SAP130: variants seen among roughly 807,000 people sequenced by gnomAD.
SAP130 encodes the protein histone deacetylase complex subunit SAP130.
A neutral mutation model predicts 103.2 loss-of-function variants in SAP130; 16 were observed. That is an observed-to-expected ratio of 0.16 (90% CI 0.10 to 0.24). The LOEUF (loss-of-function observed/expected upper bound fraction) is 0.24. SAP130 is among the 10% of genes least tolerant of loss of function. The pLI is 1.00. For synonymous variants in SAP130, 477 were observed against 497.0 expected, an observed-to-expected ratio of 0.96 and a Z score of 0.53; for missense variants, 990 against 1,359.7, an observed-to-expected ratio of 0.73 and a Z score of 4.28.
Position 127,986,928 on chromosome 2 carries a change from G to A in SAP130, c.1815C>T (p.Ala605=). ...VVLADGATIV[A]NPISNPFSAA... ...CACTGAATGGATTGCTAATAGGGTT[G>A]GCCACAATTGTGGCTCCATCTGCCA... Residue 605 remains alanine, a synonymous_variant, in exon 14 of 21, where the codon GCC becomes GCT. Transcript: ENST00000643581. The surrounding 1 kb of genome is among the most constrained non-coding windows in gnomAD (Gnocchi z 4.7). The A allele has an allele frequency of 1.2e-6, 2 of 1,613,836 alleles. No individual in the cohort carries two copies. The highest frequency in any genetic ancestry group is 1.7e-6 in the Non-Finnish European group (2 of 1,179,746).
intron 15 of SAP130, among the ~76,000 whole-genome samples, chr2:127,968,979 A>C (rs762936325): frequency 5.9e-5 from 9 of 152,238 alleles, no homozygotes; most frequent in Non-Finnish European, 1.3e-4. Context: ...TACGCGACTC[A>C]CAAAACCTAA....
chr2:127,976,138 G>T (rs370397048), intron 15 of SAP130, among the ~76,000 whole-genome samples: 1 of 152,138 alleles, frequency 6.6e-6, no homozygotes, highest in African/African-American at 2.4e-5. Context: ...GAGCCACTGC[G>T]CCCGGCTGGT....
At chr2:127,976,936 A>G (rs1195746951) in intron 15 of SAP130, among the ~76,000 whole-genome samples, 2 of 152,100 alleles carry the variant, frequency 1.3e-5, no homozygotes, top group African/African-American at 4.8e-5. Context: ...CTATCAATCT[A>G]TCTACATGTG....
intron 3 of SAP130, among the ~76,000 whole-genome samples, chr2:128,017,141 G>C (rs942501115): frequency 6.6e-6 from 1 of 152,200 alleles, no homozygotes; most frequent in African/African-American, 2.4e-5. Context: ...GGCCGACATG[G>C]TGAAACGCCA....
Position 127,996,537 on chromosome 2 carries a change from T to C in SAP130, c.1214-46A>G, listed in dbSNP as rs140626518. The C allele has an allele frequency of 9.2e-6, 13 of 1,407,324 alleles. No homozygotes were observed. In the East Asian group the frequency reaches 3.3e-4, roughly 35 times the overall value. 87.2% of individuals were successfully genotyped at this position (1,407,324 alleles called of 1,614,324 possible). A position where few individuals can be genotyped will look rare whatever the true frequency, so the allele number is the denominator to read the frequency against. ...TTCCATGACCATTCTACACTTTTTT[T>C]TGGCATGCCAAAACATTCTTGGCTA... On this transcript the variant is annotated intron_variant, in intron 10 of 20. Transcript: ENST00000643581. The surrounding 1 kb of genome is among the most constrained non-coding windows in gnomAD (Gnocchi z 4.3).
chr2:127,956,171 C>T (rs1213239338), intron 15 of SAP130, among the ~76,000 whole-genome samples: 1 of 152,138 alleles, frequency 6.6e-6, no homozygotes, highest in African/African-American at 2.4e-5. Context: ...AGACTGGGTT[C>T]AGGAGCTTCT....
chr2:127,977,400 C>T (rs999526176), intron 15 of SAP130, among the ~76,000 whole-genome samples: 1 of 150,738 alleles, frequency 6.6e-6, no homozygotes. Flanking sequence ...CTCCGGTGGC[C>T]GAGGCAGGAG....
intron 2 of SAP130, among the ~76,000 whole-genome samples, chr2:128,025,583 A>T (rs1049833984): frequency 6.6e-6 from 1 of 152,230 alleles, no homozygotes; most frequent in Non-Finnish European, 1.5e-5. Context: ...TCTTGTCATT[A>T]TTCCCTTAGC....
At chr2:127,961,992 C>A (rs1166795405) in intron 15 of SAP130, among the ~76,000 whole-genome samples, 1 of 152,122 alleles carries the variant, frequency 6.6e-6, no homozygotes, top group Non-Finnish European at 1.5e-5. Context: ...GCTCTCAGCA[C>A]GTTGACACCT....
chr2:128,002,235 T>C (rs1278398366), intron 7 of SAP130, among the ~76,000 whole-genome samples: 4 of 152,128 alleles, frequency 2.6e-5, no homozygotes, highest in African/African-American at 7.2e-5. Context: ...TTAATTAACA[T>C]AAGATTTAAA....
intron 7 of SAP130, among the ~76,000 whole-genome samples, chr2:128,007,660 G>T (rs1432543073): frequency 6.6e-6 from 1 of 152,184 alleles, no homozygotes; most frequent in Non-Finnish European, 1.5e-5. Context: ...GAGAACAAAG[G>T]ATCAGGGGAG....
chr2:128,004,740 T>C (rs989921632), intron 7 of SAP130, among the ~76,000 whole-genome samples: 13 of 152,104 alleles, frequency 8.5e-5, no homozygotes, highest in Non-Finnish European at 1.8e-4. Context: ...CTGTGGGGAA[T>C]AGTGTGCGGG....
intron 15 of SAP130, among the ~76,000 whole-genome samples, chr2:127,958,213 G>C (rs1679978421): frequency 6.6e-6 from 1 of 152,246 alleles, no homozygotes; most frequent in Admixed American, 6.5e-5. Context: ...AGGAGTTCGA[G>C]ACCAGCCTGG....
intron 15 of SAP130, among the ~76,000 whole-genome samples, chr2:127,962,154 C>T (rs1680300843): frequency 6.6e-6 from 1 of 152,184 alleles, no homozygotes; most frequent in Non-Finnish European, 1.5e-5. Context: ...AATAAAAGCA[C>T]CCAATTATCC....
At chr2:128,027,065 C>A (rs1486238927) in intron 1 of SAP130, 1 of 1,412,184 alleles carries the variant, frequency 7.1e-7, no homozygotes, top group South Asian at 1.7e-5. Flanking sequence ...GGGACCCGAC[C>A]ACAAGACGAG....
intron 14 of SAP130, among the ~76,000 whole-genome samples, chr2:127,982,374 G>T (rs1682012891): frequency 6.6e-6 from 1 of 152,214 alleles, no homozygotes; most frequent in Non-Finnish European, 1.5e-5. Context: ...AGGGCATGTT[G>T]GAGAGGAGCC....
chr2:127,984,402 G>A (rs1559068455), intron 14 of SAP130, among the ~76,000 whole-genome samples: 3 of 152,202 alleles, frequency 2.0e-5, no homozygotes, highest in Non-Finnish European at 4.4e-5. Flanking sequence ...GTCTTCCACC[G>A]TTAGAGGTCC....
chr2:127,946,738 G>A (rs1679102438), intron 18 of SAP130, among the ~76,000 whole-genome samples: 1 of 151,390 alleles, frequency 6.6e-6, no homozygotes, highest in Admixed American at 6.6e-5. Flanking sequence ...CAAAAAATTA[G>A]CGGGGTGTGG....
chr2:127,947,764 CTGTGTG>C (rs1553500423), intron 18 of SAP130, among the ~76,000 whole-genome samples: 9 of 143,416 alleles, frequency 6.3e-5, no homozygotes, highest in Middle Eastern at 3.6e-3. Context: ...TTGTGTGTGT[CTGTGTG>C]TGTGTGTGTG....
Sources: gnomAD v4.1 joint callset for allele counts (sites outside exome capture counted in the v4.1 genomes callset) on GRCh38, gnomAD v4.1.1 for gene constraint, Gnocchi (gnomAD v3.1) non-coding constraint, MANE v1.5 for transcripts, NCBI Gene and HGNC (gene_info 2026-07-23, HGNC 2026-07-21) for gene names.